The following SERPING1 variants were observed in gnomAD, a reference collection of about 807,000 sequenced individuals.
The protein encoded by SERPING1 is serpin family G member 1.
A neutral mutation model predicts 34.1 loss-of-function variants in SERPING1; 5 were observed. The ratio of observed to expected loss-of-function variants is 0.15; its 90% confidence interval spans 0.08 to 0.31. The LOEUF is 0.31. Ranked by LOEUF, SERPING1 falls within the 10% of genes least tolerant of loss-of-function variation. SERPING1 has a pLI of 1.00. For missense variants in SERPING1, 505 were observed against 609.5 expected (o/e 0.83, Z 1.81); for synonymous variants, 225 against 242.4 (o/e 0.93, Z 0.67).
chr11:57,605,280 T>A (rs1387918137), intron 4 of SERPING1, among the ~76,000 whole-genome samples: 1 of 152,016 alleles, frequency 6.6e-6, no homozygotes, highest in Non-Finnish European at 1.5e-5. Context: ...TACTTAGGCA[T>A]CAGCAAAGCC....
chr11:57,614,650 T>A lies in SERPING1; in HGVS notation c.*69T>A. On this transcript the variant is annotated 3_prime_UTR_variant, in exon 8 of 8. Transcript: ENST00000278407. ...CAGCTCTCAGTTGCAGCCCTGCTGC[T>A]GCCTGCCTGGACTTGGCCCCTGCCA... The A allele has an allele frequency of 6.4e-7, 1 of 1,563,158 alleles. No individual in the cohort carries two copies. The highest frequency in any genetic ancestry group is 8.7e-7 in the Non-Finnish European group (1 of 1,155,960).
chr11:57,607,082 G>T (rs1945418230), intron 6 of SERPING1, among the ~76,000 whole-genome samples: 1 of 152,162 alleles, frequency 6.6e-6, no homozygotes, highest in Non-Finnish European at 1.5e-5. Context: ...ATCCCAACTG[G>T]CAAGCTATCT....
chr11:57,606,615 A>C, intron 6 of SERPING1, 68 bp downstream of exon 6: 1 of 1,527,304 alleles, frequency 6.5e-7, no homozygotes, highest in South Asian at 1.1e-5. Context: ...TTTCTGCTGT[A>C]GTCCCATCAT....
chr11:57,605,166 G>T (rs1166964340), intron 4 of SERPING1, among the ~76,000 whole-genome samples: 1 of 152,080 alleles, frequency 6.6e-6, no homozygotes, highest in Non-Finnish European at 1.5e-5. Context: ...CCGCTGTCTT[G>T]CTAGGTTGGT....
At position 57,606,003 on chromosome 11, in the gene SERPING1, C is replaced by A. The variant is rs1360867871; in HGVS notation, c.686-7C>A. 5.6e-6 allele frequency: 9 copies of A among 1,613,446 alleles called. No individual in the cohort carries two copies. The Admixed American group carries it at 8.3e-5, about 15-fold the overall frequency. On this transcript the variant is annotated splice_polypyrimidine_tract_variant and splice_region_variant and intron_variant, in intron 4 of 7. Transcript: ENST00000278407. ...ACTCATGCCTCCCTTTCTCAACATA[C>A]CCCCAGACCTGGCCATAAGGGACAC... is the stretch of plus-strand genomic sequence containing the variant.
At position 57,600,147 on chromosome 11, in the gene SERPING1, C is replaced by G; in HGVS notation, c.320C>G (p.Thr107Ser). The change falls in exon 3 of 8, where the codon ACC becomes AGC. Residue 107 changes from threonine (T) to serine (S), a missense_variant. Thr to Ser is a moderately conservative substitution (Grantham distance 58). Coordinates refer to ENST00000278407, the MANE Select transcript of SERPING1 (RefSeq NM_000062.3). ...ACCATCCAACCCACCCAACCAACTACCCAGCTCCCAACAGATTCTCCTACC... is the reference window on the plus strand; with the variant it reads ...ACCATCCAACCCACCCAACCAACTAGCCAGCTCCCAACAGATTCTCCTACC... ...QPTIQPTQPT[T>S]QLPTDSPTQP... The G allele has an allele frequency of 7.9e-7, 1 of 1,273,332 alleles. No homozygotes were observed. The highest frequency in any genetic ancestry group is 1.1e-6 in the Non-Finnish European group (1 of 928,816). 78.9% of individuals were successfully genotyped at this position (1,273,332 alleles called of 1,614,324 possible).
Position 57,611,761 on chromosome 11 carries a change from G to A in SERPING1, c.1074G>A (p.Leu358=), listed in dbSNP as rs574198313. 1.2e-6 allele frequency: 2 copies of A among 1,614,200 alleles called. No homozygotes were observed. The highest frequency in any genetic ancestry group is 1.1e-5 in the South Asian group (1 of 91,086). Residue 358 remains leucine (L), a synonymous_variant, in exon 7 of 8, where the codon CTG becomes CTA. Coordinates refer to ENST00000278407, the MANE Select transcript of SERPING1 (RefSeq NM_000062.3). The part of the protein sequence containing the change: ...QLSHNLSLVI[L]VPQNLKHRLE... ...CCCACAATCTGAGTTTGGTGATCCT[G>A]GTACCCCAGAACCTGAAACATCGTC...
At chr11:57,606,287 A>G in intron 5 of SERPING1, 74 bp downstream of exon 5, 1 of 1,601,048 alleles carries the variant, frequency 6.2e-7, no homozygotes, top group Non-Finnish European at 8.6e-7. Context: ...AGCCCACTTA[A>G]CCCCAAGTTC....
intron 2 of SERPING1, among the ~76,000 whole-genome samples, chr11:57,599,018 T>C (rs924790329): frequency 6.6e-6 from 1 of 152,090 alleles, no homozygotes. Context: ...ATCAGAGACC[T>C]TGTTTTGACC....
rs768892963 is a variant in SERPING1 at position 57,600,313 on chromosome 11, G to A, written c.486G>A (p.Lys162=). 2.5e-6 allele frequency: 4 copies of A among 1,613,666 alleles called. No individual in the cohort carries two copies. Among genetic ancestry groups the A allele is most frequent in the East Asian group, 4.5e-5 (2 of 44,882 alleles). ...KLYHAFSAMK[K]VETNMAFSPF... ...ACCACGCCTTCTCAGCAATGAAGAA[G>A]GTGGAGACCAACATGGCCTTTTCCC... The change falls in exon 3 of 8, where the codon AAG becomes AAA. Residue 162 remains lysine (K), a synonymous_variant. Coordinates refer to ENST00000278407, the MANE Select transcript of SERPING1 (RefSeq NM_000062.3).
chr11:57,610,510 G>A (rs1032278203), intron 6 of SERPING1, among the ~76,000 whole-genome samples: 1 of 152,158 alleles, frequency 6.6e-6, no homozygotes, highest in Middle Eastern at 3.2e-3. Flanking sequence ...CTTCTTCTGG[G>A]CTATTCAGGT....
chr11:57,602,950 C>T (rs577830532), intron 4 of SERPING1, among the ~76,000 whole-genome samples: 10 of 141,130 alleles, frequency 7.1e-5, no homozygotes, highest in East Asian at 4.4e-4. Context: ...GTTGGGGGTA[C>T]GGCTGGGCAT....
At chr11:57,613,478 A>G (rs28746188) in intron 7 of SERPING1, among the ~76,000 whole-genome samples, 2,156 of 152,334 alleles carry the variant, frequency 0.014, 73 homozygotes, top group African/African-American at 0.05. Context: ...AAAACTCAGG[A>G]GACACTTACA....
chr11:57,607,797 C>T (rs1367429952), intron 6 of SERPING1, among the ~76,000 whole-genome samples: 3 of 152,092 alleles, frequency 2.0e-5, no homozygotes, highest in African/African-American at 7.2e-5. Flanking sequence ...GTAGCTGGGA[C>T]TACAGGAGCC....
intron 2 of SERPING1, 72 bp downstream of exon 2, chr11:57,598,393 G>T (rs1206368461): frequency 7.5e-6 from 11 of 1,457,044 alleles, no homozygotes; most frequent in African/African-American, 1.4e-5. Context: ...TGCGGGCGGT[G>T]GCTGAGGATT....
intron 6 of SERPING1, among the ~76,000 whole-genome samples, chr11:57,609,345 G>A (rs550542174): frequency 2.6e-5 from 4 of 152,268 alleles, no homozygotes; most frequent in East Asian, 3.9e-4. Context: ...TTGGGAGGCC[G>A]AGGCAGGTGA....
rs759867416 is a variant in SERPING1 at position 57,606,546 on chromosome 11, A to G, written c.1028A>G (p.Lys343Arg). Residue 343 changes from lysine (K) to arginine (R), a missense_variant and splice_region_variant, in exon 6 of 8, where the codon AAG (lysine) becomes AGG (arginine). Transcript: ENST00000278407. The stretch of plus-strand genomic sequence containing the variant: ...TTCATTGACCAAACTTTGAAAGCCA[A>G]GGTAAGTTCTTAACCTTTCCTTCTC... ...AHFIDQTLKA[K>R]VGQLQLSHNL... is the part of the protein sequence containing the mutation. The G allele has an allele frequency of 6.2e-7, 1 of 1,614,032 alleles. No individual in the cohort carries two copies. Among genetic ancestry groups the G allele is most frequent in the African/African-American group, 1.3e-5 (1 of 74,932 alleles).
intron 6 of SERPING1, among the ~76,000 whole-genome samples, chr11:57,611,031 T>A (rs1590829345): frequency 6.6e-6 from 1 of 151,646 alleles, no homozygotes; most frequent in Non-Finnish European, 1.5e-5. Flanking sequence ...ACCTCCCGGG[T>A]TCAAGCAATT....
rs1010623673 is a variant in SERPING1, at chr11:57,599,993, G to A, written c.166G>A (p.Val56Ile). 3.7e-6 allele frequency: 6 copies of A among 1,613,990 alleles called. No homozygotes were observed. Among genetic ancestry groups the A allele is most frequent in the East Asian group, 2.2e-5 (1 of 44,894 alleles). ...AACAGTTATCTCCAAGATGCTATTC[G>A]TTGAACCCATCCTGGAGGTTTCCAG... is the stretch of plus-strand genomic sequence containing the variant. ...ATTVISKMLF[V>I]EPILEVSSLP... The change falls in exon 3 of 8, where the codon GTT becomes ATT. Residue 56 changes from valine to isoleucine, a missense_variant. Coordinates refer to ENST00000278407, the MANE Select transcript of SERPING1 (RefSeq NM_000062.3).
Sources: allele counts gnomAD v4.1 joint callset (sites outside exome capture counted in the v4.1 genomes callset), GRCh38; gene constraint gnomAD v4.1.1; transcripts MANE v1.5; gene names NCBI Gene and HGNC (gene_info 2026-07-23, HGNC 2026-07-21).